The following CNBD1 variants were observed in gnomAD, a reference collection of about 807,000 sequenced individuals.
The protein encoded by CNBD1 is cyclic nucleotide binding domain containing 1, also known as cyclic nucleotide-binding domain-containing protein 1.
Under a neutral mutation model 54.4 loss-of-function variants are expected in CNBD1, and 71 were observed. The observed-to-expected ratio is 1.30, with a 90% confidence interval of 1.08 to 1.59. The LOEUF (loss-of-function observed/expected upper bound fraction) is 1.59, where lower values mean the gene tolerates loss of function less well. Among genes scored for constraint, CNBD1 ranks in the 40% most tolerant of loss-of-function variants. The pLI is 0.00. For missense variants in CNBD1, 659 were observed against 518.0 expected (o/e 1.27, Z -2.64); for synonymous variants, 182 against 170.7 (o/e 1.07, Z -0.51).
intron 5 of CNBD1, among the ~76,000 whole-genome samples, chr8:87,219,091 TAAC>T (rs571525350): frequency 4.6e-5 from 7 of 152,116 alleles, no homozygotes; most frequent in African/African-American, 1.2e-4. Flanking sequence ...TTATAAAAAA[TAAC>T]AATCTGTATA....
chr8:87,265,795 A>G (rs987057288), intron 6 of CNBD1, among the ~76,000 whole-genome samples: 6 of 152,148 alleles, frequency 3.9e-5, no homozygotes, highest in Non-Finnish European at 8.8e-5. Flanking sequence ...AACTGAAAAT[A>G]TGTACTATAT....
chr8:87,426,900 A>G (rs1406638457), intron 2 of CNBD1, among the ~76,000 whole-genome samples: 1 of 152,228 alleles, frequency 6.6e-6, no homozygotes, highest in African/African-American at 2.4e-5. Flanking sequence ...AAACAAATTT[A>G]TAGGTGTGGA....
chr8:87,112,803 G>A (rs1410468346), intron 4 of CNBD1, among the ~76,000 whole-genome samples: 1 of 152,096 alleles, frequency 6.6e-6, no homozygotes, highest in East Asian at 1.9e-4. Flanking sequence ...GAGAAATTCA[G>A]TTTTAGAATC....
chr8:87,346,331 C>G (rs1031404103), intron 8 of CNBD1, among the ~76,000 whole-genome samples: 1 of 152,024 alleles, frequency 6.6e-6, no homozygotes, highest in Non-Finnish European at 1.5e-5. Flanking sequence ...TGTGAGCCAC[C>G]GTGCCTGGCC....
At chr8:87,234,528 A>G (rs1807532134) in intron 5 of CNBD1, among the ~76,000 whole-genome samples, 1 of 152,222 alleles carries the variant, frequency 6.6e-6, no homozygotes, top group Admixed American at 6.5e-5. Flanking sequence ...ATGCATTGTC[A>G]ATGAGCAGTA....
At chr8:87,350,782 C>A (rs181463831) in intron 8 of CNBD1, among the ~76,000 whole-genome samples, 1 of 151,694 alleles carries the variant, frequency 6.6e-6, no homozygotes, top group South Asian at 2.1e-4. Context: ...GATTTCATAA[C>A]GTAGAAAATA....
At chr8:86,916,086 G>A (rs1809179860) in intron 3 of CNBD1, among the ~76,000 whole-genome samples, 2 of 152,138 alleles carry the variant, frequency 1.3e-5, no homozygotes, top group South Asian at 2.1e-4. Flanking sequence ...ATTACTTTAA[G>A]TAGGAGGAAG....
At position 87,251,707 on chromosome 8, in the gene CNBD1, A is replaced by G. The variant is rs143934152; in HGVS notation, c.771+14595A>G. ...CATTCAGAGTCACATGACCATAAAT[A>G]TATTTCATCACGCTATTTTTCTAAT... On this transcript the variant is annotated intron_variant, in intron 6 of 10. Coordinates refer to ENST00000518476, the MANE Select transcript of CNBD1 (RefSeq NM_173538.3). Among the ~76,000 whole-genome samples the G allele has an allele frequency of 4.0e-3, 606 of 151,964 alleles. 3 individuals carry two copies. Among genetic ancestry groups the G allele is most frequent in the African/African-American group, 0.014 (572 of 41,460 alleles).
intron 2 of CNBD1, among the ~76,000 whole-genome samples, chr8:87,392,573 G>T (rs950365685): frequency 5.9e-5 from 9 of 151,972 alleles, no homozygotes; most frequent in African/African-American, 1.9e-4. Context: ...CATATTGTAT[G>T]ATTTCATTTA....
At chr8:87,311,379 A>G (rs1477985839) in intron 8 of CNBD1, among the ~76,000 whole-genome samples, 1 of 152,164 alleles carries the variant, frequency 6.6e-6, no homozygotes, top group East Asian at 1.9e-4. Context: ...AGAGAAATGC[A>G]AATCAAAACA....
At chr8:87,173,471 G>A (rs1432508070) in intron 4 of CNBD1, among the ~76,000 whole-genome samples, 6 of 152,050 alleles carry the variant, frequency 3.9e-5, no homozygotes, top group Admixed American at 3.9e-4. Flanking sequence ...CATAGGTCTG[G>A]TGTTGATAAA....
chr8:87,089,428 T>A (rs966556294), intron 4 of CNBD1, among the ~76,000 whole-genome samples: 4 of 152,078 alleles, frequency 2.6e-5, no homozygotes, highest in Non-Finnish European at 4.4e-5. Flanking sequence ...ATAAATTCAG[T>A]TCTGGCACCA....
At chr8:87,009,864 T>C (rs1162660918) in intron 4 of CNBD1, among the ~76,000 whole-genome samples, 2 of 152,192 alleles carry the variant, frequency 1.3e-5, no homozygotes, top group Non-Finnish European at 2.9e-5. Context: ...GATGCAATAA[T>C]TTTGTTAAGT....
At chr8:87,137,232 A>G (rs976622813) in intron 4 of CNBD1, among the ~76,000 whole-genome samples, 106 of 146,940 alleles carry the variant, frequency 7.2e-4, no homozygotes, top group African/African-American at 2.0e-3. Context: ...TATAAATTAC[A>G]TATTATACTG....
intron 8 of CNBD1, among the ~76,000 whole-genome samples, chr8:87,338,036 C>T (rs1237915726): frequency 6.6e-6 from 1 of 152,004 alleles, no homozygotes; most frequent in Non-Finnish European, 1.5e-5. Flanking sequence ...TTTTTTATGT[C>T]CTCACTGAGC....
At chr8:87,185,636 C>A (rs112451774) in intron 4 of CNBD1, among the ~76,000 whole-genome samples, 15 of 152,158 alleles carry the variant, frequency 9.9e-5, no homozygotes, top group Admixed American at 9.8e-4. Flanking sequence ...TTTTTAGAAA[C>A]AAGAACTATT....
At chr8:87,237,166 A>T (rs1385252778) in intron 6 of CNBD1, 54 bp downstream of exon 6, 5 of 1,134,800 alleles carry the variant, frequency 4.4e-6, no homozygotes. Context: ...GGGCTTTTGT[A>T]AAACTTTATC....
intron 10 of CNBD1, 74 bp downstream of exon 10, chr8:87,353,860 C>G: frequency 8.6e-7 from 1 of 1,158,856 alleles, no homozygotes; most frequent in East Asian, 2.6e-5. Flanking sequence ...AATTTTTTTC[C>G]TTATTAATCA....
chr8:87,178,902 CTTGT>C lies in CNBD1; in HGVS notation c.432-27071_432-27068del, dbSNP rs113358222. On this transcript the variant is annotated intron_variant, in intron 4 of 10. Coordinates refer to ENST00000518476, the MANE Select transcript of CNBD1 (RefSeq NM_173538.3). ...TAACTGAATCCCTGAATAGCTTTTG[CTTGT>C]TTGTTTGTTTGTTTGTTTGAGACGG... Among the ~76,000 whole-genome samples, 755 of 152,012 alleles carry C rather than the reference CTTGT, an allele frequency of 5.0e-3. 11 individuals are homozygous for C. Among genetic ancestry groups the C allele is most frequent in the African/African-American group, 0.017 (695 of 41,430 alleles).
Sources: gnomAD v4.1 joint callset for allele counts (sites outside exome capture counted in the v4.1 genomes callset) on GRCh38, gnomAD v4.1.1 for gene constraint, MANE v1.5 for transcripts, NCBI Gene and HGNC (gene_info 2026-07-23, HGNC 2026-07-21) for gene names.